The following PPFIBP2 variants were observed in gnomAD, a reference collection of about 807,000 sequenced individuals.
PPFIBP2 encodes the protein liprin-beta-2.
A neutral mutation model predicts 118.3 loss-of-function variants in PPFIBP2; 118 were observed. The ratio of observed to expected loss-of-function variants is 1.00; its 90% CI spans 0.86 to 1.16. PPFIBP2 has a LOEUF of 1.16. Among genes scored for constraint, PPFIBP2 ranks in the 50% most tolerant of loss-of-function variants. The pLI is 0.00. For missense variants in PPFIBP2, 1,195 were observed against 1,073.1 expected, an observed-to-expected ratio of 1.11 and a Z score of -1.59; for synonymous variants, 414 against 397.4, an observed-to-expected ratio of 1.04 and a Z score of -0.50.
chr11:7,553,924 C>G (rs576869667), intron 2 of PPFIBP2, among the ~76,000 whole-genome samples: 1 of 152,150 alleles, frequency 6.6e-6, no homozygotes, highest in Non-Finnish European at 1.5e-5. Flanking sequence ...CTTTTCTGCT[C>G]TTGCTCACAA....
chr11:7,533,975 A>T (rs1850980652), intron 1 of PPFIBP2, among the ~76,000 whole-genome samples: 1 of 152,242 alleles, frequency 6.6e-6, no homozygotes, highest in Non-Finnish European at 1.5e-5. Context: ...AGAAAGACAG[A>T]TTGCAGGGAA....
chr11:7,654,272 A>G (rs1461232607), downstream of PPFIBP2, among the ~76,000 whole-genome samples: 2 of 152,078 alleles, frequency 1.3e-5, no homozygotes, highest in Non-Finnish European at 2.9e-5. Flanking sequence ...ATGACTGATA[A>G]TGGCTCCTCC....
intron 2 of PPFIBP2, among the ~76,000 whole-genome samples, chr11:7,562,930 TA>T (rs1373306012): frequency 0.068 from 111 of 1,644 alleles, no homozygotes; most frequent in African/African-American, 0.21. Flanking sequence ...ATTAAAGTTT[TA>T]TATATATATA....
intron 1 of PPFIBP2, among the ~76,000 whole-genome samples, chr11:7,528,648 G>T (rs907368791): frequency 5.9e-5 from 9 of 152,216 alleles, no homozygotes; most frequent in Admixed American, 1.3e-4. Flanking sequence ...CCCAGGTGGG[G>T]CTGTAGGGGT....
intron 11 of PPFIBP2, 134 bp downstream of exon 11, chr11:7,631,162 C>T: frequency 1.5e-6 from 1 of 680,370 alleles, no homozygotes; most frequent in Admixed American, 2.2e-5. Context: ...TATAGTGCCC[C>T]TCAGGCTGTG....
intron 2 of PPFIBP2, among the ~76,000 whole-genome samples, chr11:7,554,339 C>T (rs951145471): frequency 6.6e-6 from 1 of 152,184 alleles, no homozygotes; most frequent in Non-Finnish European, 1.5e-5. Context: ...ATTCAGTGAT[C>T]ACTAGTAATC....
chr11:7,592,218 A>C lies in PPFIBP2; in HGVS notation c.280-914A>C, dbSNP rs187448135. Reference sequence around the variant, plus strand: ...AGTCTGATTTCAGTCTTCCATTTGCATGGAGGAAGGAGGTGTTGGGGCCAG... The same window carrying C: ...AGTCTGATTTCAGTCTTCCATTTGCCTGGAGGAAGGAGGTGTTGGGGCCAG... On this transcript the variant is annotated intron_variant, in intron 3 of 23. Transcript: ENST00000299492. 7.2e-5 allele frequency among the ~76,000 whole-genome samples: 11 copies of C among 152,182 alleles called. No individual in the cohort carries two copies. The East Asian group carries it at 1.6e-3, about 21-fold the overall frequency.
chr11:7,605,853 C>T (rs752984389), intron 5 of PPFIBP2: 58 of 1,434,202 alleles, frequency 4.0e-5, no homozygotes, highest in Non-Finnish European at 5.2e-5. Context: ...ATTCTGGATA[C>T]ACGTGAGATC....
downstream of PPFIBP2, chr11:7,656,582 A>T (rs986380013): frequency 5.0e-6 from 2 of 399,958 alleles, no homozygotes; most frequent in Non-Finnish European, 9.6e-6. Context: ...CCCAATACTC[A>T]GGGTTTCTTG....
At chr11:7,598,731 C>T (rs1460323695) in intron 5 of PPFIBP2, among the ~76,000 whole-genome samples, 3 of 152,028 alleles carry the variant, frequency 2.0e-5, no homozygotes, top group South Asian at 4.1e-4. Flanking sequence ...CCTCCAAAAG[C>T]GCTAGCATTT....
intron 14 of PPFIBP2, among the ~76,000 whole-genome samples, chr11:7,636,411 G>T (rs950835593): frequency 1.3e-5 from 2 of 152,086 alleles, no homozygotes; most frequent in East Asian, 3.9e-4. Context: ...TCTTCAAGTG[G>T]GCAGCCATTC....
intron 2 of PPFIBP2, among the ~76,000 whole-genome samples, chr11:7,553,756 A>G (rs554762789): frequency 1.3e-5 from 2 of 152,320 alleles, no homozygotes; most frequent in East Asian, 3.9e-4. Context: ...TTTTATTGAT[A>G]TTAGTATTAA....
downstream of PPFIBP2, chr11:7,653,904 T>C (rs1169695220): frequency 1.2e-5 from 10 of 805,218 alleles, no homozygotes; most frequent in African/African-American, 1.8e-5. Flanking sequence ...ACCAGGGGGG[T>C]AGAGCAAGGC....
chr11:7,529,022 C>T (rs1376066908), intron 1 of PPFIBP2, among the ~76,000 whole-genome samples: 2 of 152,098 alleles, frequency 1.3e-5, no homozygotes, highest in African/African-American at 4.8e-5. Flanking sequence ...GGCTTTTCCT[C>T]AGCCTGGAGA....
intron 1 of PPFIBP2, among the ~76,000 whole-genome samples, chr11:7,546,488 G>A (rs1028488220): frequency 6.6e-6 from 1 of 152,146 alleles, no homozygotes; most frequent in Admixed American, 6.5e-5. Flanking sequence ...TCTGTTGCGG[G>A]GGCACATAGC....
intron 6 of PPFIBP2, chr11:7,617,329 T>C (rs1848776567): frequency 1.0e-6 from 1 of 982,812 alleles, no homozygotes; most frequent in South Asian, 4.7e-5. Flanking sequence ...AGAGCATGCG[T>C]GTGTGGGGCA....
chr11:7,666,234 G>C, the PPFIBP2 span: 1 of 593,960 alleles, frequency 1.7e-6, no homozygotes, highest in Non-Finnish European at 3.0e-6. Flanking sequence ...TGCTGCTGAT[G>C]TATTAGACAC....
chr11:7,535,556 C>T (rs1038435362), intron 1 of PPFIBP2, among the ~76,000 whole-genome samples: 5 of 152,106 alleles, frequency 3.3e-5, no homozygotes, highest in African/African-American at 1.2e-4. Flanking sequence ...TCTGTAGAAT[C>T]GGGATAATAA....
intron 1 of PPFIBP2, among the ~76,000 whole-genome samples, chr11:7,548,051 A>G (rs139529088): frequency 6.6e-6 from 1 of 152,354 alleles, no homozygotes; most frequent in African/African-American, 2.4e-5. Flanking sequence ...CACTTTGTGC[A>G]AAGGAATGTG....
Sources: gnomAD v4.1 joint callset for allele counts (sites outside exome capture counted in the v4.1 genomes callset) on GRCh38, gnomAD v4.1.1 for gene constraint, MANE v1.5 for transcripts, NCBI Gene and HGNC (gene_info 2026-07-23, HGNC 2026-07-21) for gene names.